Variants in SUGCT observed in about 807,000 individuals in gnomAD.
SUGCT encodes succinyl-CoA:glutarate-CoA transferase.
In SUGCT, 41 loss-of-function variants were observed where a neutral mutation model predicts 55.0. The ratio of observed to expected loss-of-function variants is 0.74; its 90% CI spans 0.58 to 0.97. The LOEUF (loss-of-function observed/expected upper bound fraction) is 0.97, where lower values mean the gene tolerates loss of function less well. Among genes scored for constraint, SUGCT ranks in the 50% least tolerant of loss-of-function variants. The pLI, the probability that SUGCT is intolerant of heterozygous loss-of-function variation, is 0.00. For synonymous variants in SUGCT, 187 were observed against 200.4 expected, an observed-to-expected ratio of 0.93 and a Z score of 0.56; for missense variants, 568 against 547.8, an observed-to-expected ratio of 1.04 and a Z score of -0.37.
chr7:40,613,959 A>G (rs1798880359), intron 12 of SUGCT, among the ~76,000 whole-genome samples: 1 of 152,036 alleles, frequency 6.6e-6, no homozygotes, highest in Non-Finnish European at 1.5e-5. Context: ...TTACAGTTTG[A>G]ATTTTATTTT....
intron 6 of SUGCT, 66 bp from the exon 7 acceptor site, chr7:40,237,569 C>T: frequency 8.5e-7 from 1 of 1,173,512 alleles, no homozygotes; most frequent in Non-Finnish European, 1.3e-6. Context: ...TTCTAACACA[C>T]TATATTGTAC....
At chr7:40,912,043 C>A in the SUGCT span, among the ~76,000 whole-genome samples, 1 of 152,092 alleles carries the variant, frequency 6.6e-6, no homozygotes, top group Non-Finnish European at 1.5e-5. Flanking sequence ...AAACTATTGG[C>A]TTTTATATGA....
intron 12 of SUGCT, among the ~76,000 whole-genome samples, chr7:40,558,940 A>T (rs1438071558): frequency 3.3e-5 from 5 of 152,226 alleles, no homozygotes; most frequent in Non-Finnish European, 7.3e-5. Context: ...ATGCTTGGAT[A>T]GCTGTGAATT....
At chr7:40,274,712 C>T in intron 8 of SUGCT, 56 bp downstream of exon 8, 1 of 1,530,542 alleles carries the variant, frequency 6.5e-7, no homozygotes. Context: ...CTGGGTTATA[C>T]CTTTTCAGAT....
intron 12 of SUGCT, among the ~76,000 whole-genome samples, chr7:40,567,418 AT>A (rs1796211177): frequency 1.3e-5 from 2 of 152,232 alleles, no homozygotes; most frequent in Admixed American, 6.5e-5. Flanking sequence ...TTTGTTCTTG[AT>A]TTTTTTCTTA....
chr7:40,455,549 GGGCTA>G (rs1789435094), intron 10 of SUGCT, among the ~76,000 whole-genome samples: 11 of 152,100 alleles, frequency 7.2e-5, no homozygotes, highest in Admixed American at 7.2e-4. Context: ...AACTGGAGTG[GGGCTA>G]TATTAATTAT....
intron 13 of SUGCT, among the ~76,000 whole-genome samples, chr7:40,795,268 C>T (rs1040062385): frequency 6.6e-6 from 1 of 152,080 alleles, no homozygotes; most frequent in African/African-American, 2.4e-5. Flanking sequence ...AGCAGAGAGC[C>T]AAGACAAGAA....
chr7:40,459,749 A>T (rs984766475), intron 11 of SUGCT, among the ~76,000 whole-genome samples: 2 of 152,200 alleles, frequency 1.3e-5, no homozygotes, highest in Admixed American at 6.5e-5. Context: ...ACATTGAGTT[A>T]TGGGTCATAA....
At chr7:40,702,234 C>T (rs1403613662) in intron 12 of SUGCT, among the ~76,000 whole-genome samples, 2 of 152,170 alleles carry the variant, frequency 1.3e-5, no homozygotes, top group Admixed American at 6.5e-5. Flanking sequence ...CCAAATCTCA[C>T]AATTTGTACT....
At chr7:40,923,766 G>T in the SUGCT span, among the ~76,000 whole-genome samples, 1 of 152,132 alleles carries the variant, frequency 6.6e-6, no homozygotes, top group Non-Finnish European at 1.5e-5. Flanking sequence ...TTTTCTAAAT[G>T]AGTGCTTCTC....
At chr7:40,668,035 C>A (rs963474578) in intron 12 of SUGCT, among the ~76,000 whole-genome samples, 1 of 152,086 alleles carries the variant, frequency 6.6e-6, no homozygotes, top group African/African-American at 2.4e-5. Flanking sequence ...ATAATTAAAG[C>A]AATTATTTAA....
At position 40,357,054 on chromosome 7, in the gene SUGCT, C is replaced by T. The variant is rs148390539; in HGVS notation, c.816+40199C>T. Among the ~76,000 whole-genome samples the T allele has an allele frequency of 1.5e-3, 223 of 152,312 alleles. 2 individuals are homozygous for T. The highest frequency in any genetic ancestry group is 0.014 in the Middle Eastern group (4 of 294). ...TAATCAGACACAATTTAAAATGACT[C>T]ATCACTGGTAAATGGTTTTCTTTGC... On this transcript the variant is annotated intron_variant, in intron 9 of 13. Coordinates refer to ENST00000335693, the MANE Select transcript of SUGCT (RefSeq NM_001193313.2).
intron 3 of SUGCT, among the ~76,000 whole-genome samples, chr7:40,187,082 A>G (rs996032954): frequency 6.6e-6 from 1 of 152,214 alleles, no homozygotes; most frequent in Non-Finnish European, 1.5e-5. Flanking sequence ...TGGCACATAT[A>G]CACCATGGAA....
intron 12 of SUGCT, among the ~76,000 whole-genome samples, chr7:40,728,321 C>T (rs1380901573): frequency 6.6e-6 from 1 of 152,056 alleles, no homozygotes; most frequent in African/African-American, 2.4e-5. Context: ...GAGTTCGAGA[C>T]CAGCCTGGCC....
intron 12 of SUGCT, among the ~76,000 whole-genome samples, chr7:40,629,645 T>C (rs1799692660): frequency 6.6e-6 from 1 of 152,126 alleles, no homozygotes; most frequent in Admixed American, 6.6e-5. Flanking sequence ...GTTAATTTAT[T>C]TGAGAAGGGG....
chr7:40,957,978 T>C, the SUGCT span, among the ~76,000 whole-genome samples: 1 of 152,306 alleles, frequency 6.6e-6, no homozygotes, highest in Admixed American at 6.5e-5. Context: ...TTTAACAATG[T>C]TGCATTTTGG....
rs1439815665 is a variant in SUGCT at position 40,624,803 on chromosome 7, ACACACACACG to A, written c.1090-124625_1090-124616del. ...CACACACACACACACACACACACAC[ACACACACACG>A]CACACCACAAACACGCCAAGCTGAG... On this transcript the variant is annotated intron_variant, in intron 12 of 13. Coordinates refer to ENST00000335693, the MANE Select transcript of SUGCT (RefSeq NM_001193313.2). Among the ~76,000 whole-genome samples, 1,394 of 147,006 alleles carry A rather than the reference ACACACACACG, an allele frequency of 9.5e-3. 18 individuals are homozygous for A. The highest frequency in any genetic ancestry group is 0.021 in the African/African-American group (803 of 38,300).
intron 9 of SUGCT, among the ~76,000 whole-genome samples, chr7:40,359,164 C>CCTGT (rs563728016): frequency 2.0e-5 from 3 of 151,784 alleles, no homozygotes; most frequent in African/African-American, 7.3e-5. Flanking sequence ...TATGTATGTA[C>CCTGT]ATGTATGTAT....
At chr7:40,748,623 T>A (rs13231580) in intron 12 of SUGCT, among the ~76,000 whole-genome samples, 1 of 151,686 alleles carries the variant, frequency 6.6e-6, no homozygotes, top group Non-Finnish European at 1.5e-5. Flanking sequence ...ATACTTATTG[T>A]TGTCTTTGAA....
Sources: allele counts gnomAD v4.1 joint callset (sites outside exome capture counted in the v4.1 genomes callset), GRCh38; gene constraint gnomAD v4.1.1; transcripts MANE v1.5; gene names NCBI Gene and HGNC (gene_info 2026-07-23, HGNC 2026-07-21).